Variants in CYTH1 observed in about 807,000 individuals in gnomAD.
CYTH1 encodes cytohesin-1.
CYTH1 carries 18 observed loss-of-function variants against 61.8 expected under a neutral mutation model. The observed-to-expected ratio is 0.29, with a 90% CI of 0.20 to 0.43. CYTH1 has a LOEUF of 0.43. Among genes scored for constraint, CYTH1 ranks in the 20% least tolerant of loss-of-function variants. The pLI is 1.00. For synonymous variants in CYTH1, 174 were observed against 184.3 expected (o/e 0.94, Z 0.45); for missense variants, 336 against 510.5 (o/e 0.66, Z 3.29).
intron 4 of CYTH1, 138 bp downstream of exon 4, chr17:78,702,400 G>T: frequency 9.6e-7 from 1 of 1,040,598 alleles, no homozygotes; most frequent in Non-Finnish European, 1.4e-6. Flanking sequence ...TAGGAACAAG[G>T]GCTTAGTGCA....
chr17:78,676,720 G>T (rs546885772), intron 13 of CYTH1: 44 of 336,260 alleles, frequency 1.3e-4, no homozygotes, highest in South Asian at 8.9e-4. Flanking sequence ...TGGACAGACC[G>T]GCTGGACCTG....
At chr17:78,718,659 G>GA (rs1222017401) in intron 1 of CYTH1, among the ~76,000 whole-genome samples, 15 of 152,136 alleles carry the variant, frequency 9.9e-5, no homozygotes, top group African/African-American at 3.6e-4. Context: ...CTTATAATTT[G>GA]AAAAACTTCA....
At chr17:78,713,086 A>AATAT (rs10641688) in intron 1 of CYTH1, among the ~76,000 whole-genome samples, 10 of 150,530 alleles carry the variant, frequency 6.6e-5, no homozygotes, top group South Asian at 6.3e-4. Flanking sequence ...AACATTAAAA[A>AATAT]ATATATATAT....
intron 1 of CYTH1, among the ~76,000 whole-genome samples, chr17:78,742,512 T>C (rs1419924271): frequency 1.3e-5 from 2 of 152,056 alleles, no homozygotes; most frequent in Non-Finnish European, 2.9e-5. Flanking sequence ...CAGTGAGCTA[T>C]GATTGTGCTG....
intron 1 of CYTH1, among the ~76,000 whole-genome samples, chr17:78,772,272 C>G (rs896544460): frequency 6.6e-6 from 1 of 152,106 alleles, no homozygotes; most frequent in Admixed American, 6.5e-5. Context: ...AGTCTTCCAC[C>G]GGTCCAGCAC....
At chr17:78,719,413 G>A (rs2093209376) in intron 1 of CYTH1, among the ~76,000 whole-genome samples, 1 of 152,132 alleles carries the variant, frequency 6.6e-6, no homozygotes, top group African/African-American at 2.4e-5. Context: ...ACAACTGCAG[G>A]TAAGGCAGCA....
intron 1 of CYTH1, among the ~76,000 whole-genome samples, chr17:78,754,960 A>G (rs561782063): frequency 2.0e-5 from 3 of 152,256 alleles, no homozygotes; most frequent in South Asian, 4.1e-4. Context: ...ATGTGTAGGT[A>G]TAACACAAGA....
intron 11 of CYTH1, among the ~76,000 whole-genome samples, chr17:78,689,606 G>T (rs1052960031): frequency 6.6e-6 from 1 of 152,142 alleles, no homozygotes; most frequent in Non-Finnish European, 1.5e-5. Context: ...GGCCTGGCTC[G>T]TAACAGGCCA....
intron 11 of CYTH1, among the ~76,000 whole-genome samples, chr17:78,683,242 C>A (rs1015429093): frequency 2.0e-5 from 3 of 152,046 alleles, no homozygotes; most frequent in Non-Finnish European, 4.4e-5. Flanking sequence ...GGTGGTGGAC[C>A]CTTCTTCTTC....
intron 1 of CYTH1, among the ~76,000 whole-genome samples, chr17:78,735,561 C>CA (rs1341227445): frequency 1.3e-5 from 2 of 152,242 alleles, no homozygotes; most frequent in Non-Finnish European, 2.9e-5. Flanking sequence ...GACACCTGTG[C>CA]ATGCTTCCCT....
At chr17:78,782,177 G>A in intron 1 of CYTH1, 25 bp downstream of exon 1, 1 of 1,359,906 alleles carries the variant, frequency 7.4e-7, no homozygotes, top group Non-Finnish European at 9.6e-7. Flanking sequence ...CGAGGGGGAA[G>A]CGTCCGCCGC....
intron 1 of CYTH1, among the ~76,000 whole-genome samples, chr17:78,730,545 A>C (rs183197972): frequency 6.6e-6 from 1 of 152,072 alleles, no homozygotes; most frequent in East Asian, 1.9e-4. Context: ...TCAAAAAAAA[A>C]ACAACAGTCA....
intron 1 of CYTH1, among the ~76,000 whole-genome samples, chr17:78,745,767 T>C (rs747234179): frequency 1.1e-4 from 16 of 152,078 alleles, no homozygotes; most frequent in Non-Finnish European, 1.6e-4. Flanking sequence ...TGGCACACAC[T>C]TGTAGTCCCA....
intron 1 of CYTH1, among the ~76,000 whole-genome samples, chr17:78,747,145 C>CAAACAA (rs2093362366): frequency 1.7e-5 from 1 of 57,830 alleles, no homozygotes; most frequent in Non-Finnish European, 3.0e-5. Flanking sequence ...ATGGCAGCGC[C>CAAACAA]AAAAAAAAAA....
At chr17:78,743,888 C>G (rs2093350458) in intron 1 of CYTH1, among the ~76,000 whole-genome samples, 1 of 152,160 alleles carries the variant, frequency 6.6e-6, no homozygotes, top group Non-Finnish European at 1.5e-5. Context: ...TGATGTGTGG[C>G]AATGTAATAT....
In CYTH1 at chr17:78,685,777, G is replaced by C. The variant is rs187000639; in HGVS notation, c.892-4735C>G. ...CGCATTTCACATGTTTTCTTCAGGA[G>C]AGTGCGGCCAGCTGTGCTTTACTTA... On this transcript the variant is annotated intron_variant, in intron 11 of 13. Coordinates refer to ENST00000446868, the MANE Select transcript of CYTH1 (RefSeq NM_004762.6). Among the ~76,000 whole-genome samples the C allele has an allele frequency of 7.9e-5, 12 of 152,268 alleles. No homozygotes were observed. The East Asian group carries it at 1.9e-3, about 25-fold the overall frequency.
chr17:78,764,521 A>C (rs1395398866), intron 1 of CYTH1, among the ~76,000 whole-genome samples: 1 of 152,118 alleles, frequency 6.6e-6, no homozygotes, highest in African/African-American at 2.4e-5. Flanking sequence ...ATGTCTCTAT[A>C]AACTTCCCAG....
chr17:78,690,393 CAAAAAAAAAAAAAAAAAA>C (rs60663636), intron 11 of CYTH1, among the ~76,000 whole-genome samples: 39 of 28,312 alleles, frequency 1.4e-3, no homozygotes, highest in South Asian at 7.9e-3. Flanking sequence ...GACTCCATCT[CAAAAAAAAAAAAAAAAAA>C]AAAAAAAAAA....
At position 78,674,249 on chromosome 17, in the gene CYTH1, A is replaced by C. The variant is rs2092672173; in HGVS notation, c.*1842T>G. The C allele has an allele frequency of 6.5e-6, 1 of 152,680 alleles. No homozygotes were observed. 9.5% of individuals were successfully genotyped at this position (152,680 alleles called of 1,614,324 possible). On this transcript the variant is annotated 3_prime_UTR_variant, in exon 14 of 14. Transcript: ENST00000446868. ...TAATCTAAAAGGAGAAAAACTATAC[A>C]TAGATTATTTACACCTCTGATAAAT... is the stretch of plus-strand genomic sequence containing the variant.
Sources: gnomAD v4.1 joint callset for allele counts (sites outside exome capture counted in the v4.1 genomes callset) on GRCh38, gnomAD v4.1.1 for gene constraint, MANE v1.5 for transcripts, NCBI Gene and HGNC (gene_info 2026-07-23, HGNC 2026-07-21) for gene names.